Variants in MINAR2 observed in about 807,000 individuals in gnomAD.
MINAR2 encodes membrane integral NOTCH2 associated receptor 2.
A neutral mutation model predicts 16.1 loss-of-function variants in MINAR2; 21 were observed. The ratio of observed to expected loss-of-function variants is 1.31; its 90% CI spans 0.93 to 1.88. MINAR2 has a LOEUF of 1.88. Among genes scored for constraint, MINAR2 ranks in the 40% most tolerant of loss-of-function variants. MINAR2 has a pLI of 0.00. For synonymous variants in MINAR2, 86 were observed against 83.0 expected (o/e 1.04, Z -0.20); for missense variants, 259 against 229.8 (o/e 1.13, Z -0.82).
intron 1 of MINAR2, among the ~76,000 whole-genome samples, chr5:129,751,813 A>G (rs989088205): frequency 6.6e-6 from 1 of 152,210 alleles, no homozygotes; most frequent in African/African-American, 2.4e-5. Context: ...TATTTCTGCC[A>G]ACCCCTTTAT....
intron 2 of MINAR2, among the ~76,000 whole-genome samples, chr5:129,760,940 T>C (rs967511194): frequency 6.6e-6 from 1 of 152,220 alleles, no homozygotes; most frequent in Non-Finnish European, 1.5e-5. Context: ...AACATTTATG[T>C]TCATGAACAC....
intron 2 of MINAR2, among the ~76,000 whole-genome samples, chr5:129,760,918 T>G (rs758210550): frequency 1.3e-5 from 2 of 152,204 alleles, no homozygotes; most frequent in Non-Finnish European, 2.9e-5. Flanking sequence ...TCACATTTTC[T>G]GTCAGTTTGT....
intron 1 of MINAR2, 96 bp downstream of exon 1, chr5:129,748,451 C>A (rs542447478): frequency 3.8e-6 from 5 of 1,299,174 alleles, no homozygotes; most frequent in African/African-American, 3.0e-5. Flanking sequence ...CCTATAGGAA[C>A]AGAGTACAAG....
At chr5:129,756,934 TA>T (rs34547893) in intron 1 of MINAR2, among the ~76,000 whole-genome samples, 38,819 of 74,382 alleles carry the variant, frequency 0.52, 9,270 homozygotes, top group Middle Eastern at 0.62. Flanking sequence ...CTTTCCACAG[TA>T]AAAAAAAAAA....
rs368046175 is a variant in MINAR2 at position 129,766,669 on chromosome 5, C to CA, written c.*1614dup. ...AAAAAAAAAAAAACAAACAAACAAA[C>CA]AAAAAAAACCCCAAAAAAAGAGACA... On this transcript the variant is annotated 3_prime_UTR_variant, in exon 3 of 3. Coordinates refer to ENST00000564719, the MANE Select transcript of MINAR2 (RefSeq NM_001257308.2). 0.015 allele frequency: 1,785 copies of CA among 118,210 alleles called. 27 individuals carry two copies. The highest frequency in any genetic ancestry group is 0.023 in the African/African-American group (606 of 26,438). The allele number at this position is 118,210 out of a possible 1,614,324, so 7.3% of individuals were successfully genotyped here.
Position 129,748,210 on chromosome 5 carries a change from C to T in MINAR2, c.20C>T (p.Pro7Leu). The T allele has an allele frequency of 6.5e-7, 1 of 1,535,000 alleles. No individual in the cohort carries two copies. Among genetic ancestry groups the T allele is most frequent in the Non-Finnish European group, 8.7e-7 (1 of 1,146,440 alleles). ...GGAGACATGGATCTCTCTGTTTTGC[C>T]AAATAACAACCATCCTGACAAATTC... The part of the protein sequence containing the change: MDLSVL[P>L]NNNHPDKFLQ... The change falls in exon 1 of 3, where the codon CCA (proline) becomes CTA (leucine). Residue 7 changes from proline to leucine, a missense_variant. Coordinates refer to ENST00000564719, the MANE Select transcript of MINAR2 (RefSeq NM_001257308.2).
intron 1 of MINAR2, among the ~76,000 whole-genome samples, chr5:129,759,093 C>T (rs1286138590): frequency 3.3e-5 from 5 of 151,990 alleles, no homozygotes; most frequent in African/African-American, 1.2e-4. Flanking sequence ...AAGGAAACTA[C>T]ATTTAACAGT....
At chr5:129,764,113 G>A (rs1758174998) in intron 2 of MINAR2, among the ~76,000 whole-genome samples, 1 of 152,206 alleles carries the variant, frequency 6.6e-6, no homozygotes, top group Admixed American at 6.5e-5. Flanking sequence ...TAAATGTATG[G>A]ACAATAGACT....
chr5:129,753,668 G>A (rs548515305), intron 1 of MINAR2, among the ~76,000 whole-genome samples: 2 of 151,622 alleles, frequency 1.3e-5, no homozygotes, highest in South Asian at 2.1e-4. Context: ...CAGGACAATC[G>A]CTTGAACCGG....
intron 1 of MINAR2, among the ~76,000 whole-genome samples, chr5:129,748,596 C>T (rs933987828): frequency 6.6e-6 from 1 of 152,170 alleles, no homozygotes; most frequent in Non-Finnish European, 1.5e-5. Flanking sequence ...TGCCTATCCT[C>T]ATTTTAGATT....
rs1758218619 is a variant in MINAR2, at chr5:129,766,634, T to TAAAAAAAAAAAAAAAAAACAAA, written c.*1589_*1590insCAAAAAAAAAAAAAAAAAAAAA. The TAAAAAAAAAAAAAAAAAACAAA allele has an allele frequency of 9.7e-6, 1 of 103,562 alleles. No homozygotes were observed. The highest frequency in any genetic ancestry group is 1.8e-5 in the Non-Finnish European group (1 of 56,838). The allele number at this position is 103,562 out of a possible 1,614,324, so 6.4% of individuals were successfully genotyped here. ...CCTGGGTGACAGAGTGAGACTTCCA[T>TAAAAAAAAAAAAAAAAAACAAA]AAAAAAAAAAAAAAAAAAAAAACAA... On this transcript the variant is annotated 3_prime_UTR_variant, in exon 3 of 3. Coordinates refer to ENST00000564719, the MANE Select transcript of MINAR2 (RefSeq NM_001257308.2).
At chr5:129,750,300 G>C (rs955690392) in intron 1 of MINAR2, among the ~76,000 whole-genome samples, 1 of 152,130 alleles carries the variant, frequency 6.6e-6, no homozygotes, top group East Asian at 1.9e-4. Context: ...ATGATACCAC[G>C]ATAGCATGCC....
intron 1 of MINAR2, among the ~76,000 whole-genome samples, chr5:129,754,509 A>G (rs1758030977): frequency 6.6e-6 from 1 of 152,126 alleles, no homozygotes; most frequent in South Asian, 2.1e-4. Context: ...TCTTTATATG[A>G]CCTTGATTCT....
At chr5:129,752,254 T>C (rs1263901426) in intron 1 of MINAR2, among the ~76,000 whole-genome samples, 1 of 152,162 alleles carries the variant, frequency 6.6e-6, no homozygotes, top group East Asian at 1.9e-4. Flanking sequence ...ATCATTCTAC[T>C]ATAAAGACAC....
At chr5:129,760,343 G>C (rs771167650) in intron 1 of MINAR2, 35 bp from the exon 2 acceptor site, 11 of 1,490,382 alleles carry the variant, frequency 7.4e-6, no homozygotes, top group Non-Finnish European at 9.0e-6. Flanking sequence ...CAGAAGGCCC[G>C]TTGCTAAGAG....
In MINAR2 at chr5:129,760,624, C is replaced by A. The variant is rs1758122411; in HGVS notation, c.393+19C>A. On this transcript the variant is annotated intron_variant, in intron 2 of 2. Transcript: ENST00000564719. ...TCTGAAGGTACTCACGACTAAGAGT[C>A]AACCTCTTCAACTGATAAGGGAGAT... The A allele has an allele frequency of 1.4e-6, 2 of 1,477,796 alleles. No homozygotes were observed. The highest frequency in any genetic ancestry group is 1.4e-5 in the African/African-American group (1 of 71,562). 91.5% of individuals were successfully genotyped at this position (1,477,796 alleles called of 1,614,324 possible).
In MINAR2 at chr5:129,765,205, G is replaced by T. The variant is rs190521757; in HGVS notation, c.*142G>T. ...GTTGATTGTATTATTAAATGTAATT[G>T]TCCTGAAGAATGTGAATGTCAGGCG... On this transcript the variant is annotated 3_prime_UTR_variant, in exon 3 of 3. Transcript: ENST00000564719. 6 of 464,004 alleles carry T rather than the reference G, an allele frequency of 1.3e-5. No homozygotes were observed. Among genetic ancestry groups the T allele is most frequent in the Non-Finnish European group, 2.1e-5 (6 of 285,992 alleles). The allele number at this position is 464,004 out of a possible 1,614,324, so 28.7% of individuals were successfully genotyped here.
In MINAR2 at chr5:129,765,266, C is replaced by A; in HGVS notation, c.*203C>A. Reference sequence around the variant, plus strand: ...GCTTCTCCACTTTGTTCTATAAAAGCTTTCTAAGAGTGCCACCCTGAACTT... The same window carrying A: ...GCTTCTCCACTTTGTTCTATAAAAGATTTCTAAGAGTGCCACCCTGAACTT... On this transcript the variant is annotated 3_prime_UTR_variant, in exon 3 of 3. Coordinates refer to ENST00000564719, the MANE Select transcript of MINAR2 (RefSeq NM_001257308.2). 5.2e-6 allele frequency: 2 copies of A among 388,288 alleles called. No individual in the cohort carries two copies. Among genetic ancestry groups the A allele is most frequent in the Non-Finnish European group, 9.0e-6 (2 of 221,898 alleles). The allele number at this position is 388,288 out of a possible 1,614,324, so 24.1% of individuals were successfully genotyped here. A position where few individuals can be genotyped will look rare whatever the true frequency, so the allele number is the denominator to read the frequency against.
At position 129,748,118 on chromosome 5, in the gene MINAR2, C is replaced by T; in HGVS notation, c.-73C>T. ...CAGATGCAGTCAGAGCATCCTCAGG[C>T]ACATTAATAATGGAGGAGTCTGACA... On this transcript the variant is annotated 5_prime_UTR_variant, in exon 1 of 3. Transcript: ENST00000564719. The T allele has an allele frequency of 1.4e-6, 2 of 1,381,704 alleles. No individual in the cohort carries two copies. The highest frequency in any genetic ancestry group is 2.0e-6 in the Non-Finnish European group (2 of 1,022,718). 85.6% of individuals were successfully genotyped at this position (1,381,704 alleles called of 1,614,324 possible). A position where few individuals can be genotyped will look rare whatever the true frequency, so the allele number is the denominator to read the frequency against.
Sources: gnomAD v4.1 joint callset for allele counts (sites outside exome capture counted in the v4.1 genomes callset) on GRCh38, gnomAD v4.1.1 for gene constraint, MANE v1.5 for transcripts, NCBI Gene and HGNC (gene_info 2026-07-23, HGNC 2026-07-21) for gene names.